Variants in SPHKAP observed in about 807,000 individuals in gnomAD.
SPHKAP encodes SPHK1 interactor, AKAP domain containing, also known as A-kinase anchor protein SPHKAP.
In SPHKAP, 67 loss-of-function variants were observed where a neutral mutation model predicts 137.5. The ratio of observed to expected loss-of-function variants is 0.49; its 90% CI spans 0.40 to 0.60. The LOEUF is 0.60. Ranked by LOEUF, SPHKAP falls within the 20% of genes least tolerant of loss-of-function variation. The probability of loss-of-function intolerance (pLI) is 0.00; values close to 1 mark genes in which losing one functional copy is unlikely to be tolerated. For missense variants in SPHKAP, 2,097 were observed against 2,069.3 expected (o/e 1.01, Z -0.26); for synonymous variants, 813 against 785.3 (o/e 1.04, Z -0.59).
chr2:228,057,096 T>C (rs1696474282), intron 3 of SPHKAP, among the ~76,000 whole-genome samples: 1 of 152,188 alleles, frequency 6.6e-6, no homozygotes, highest in Non-Finnish European at 1.5e-5. Flanking sequence ...CTCACTTCTT[T>C]CTTTAAAGTT....
intron 7 of SPHKAP, among the ~76,000 whole-genome samples, chr2:228,004,782 A>G (rs1694061625): frequency 6.6e-6 from 1 of 152,130 alleles, no homozygotes; most frequent in South Asian, 2.1e-4. Flanking sequence ...GTTTCAAAGA[A>G]CATCTTTATT....
At chr2:228,086,323 C>T (rs985962197) in intron 3 of SPHKAP, among the ~76,000 whole-genome samples, 9 of 150,968 alleles carry the variant, frequency 6.0e-5, no homozygotes, top group Non-Finnish European at 1.3e-4. Flanking sequence ...CCTTCTTTCC[C>T]CTGCCTCCCC....
rs371925107 is a variant in SPHKAP at position 228,031,375 on chromosome 2, G to A, written c.247-3832C>T. 2.2e-4 allele frequency among the ~76,000 whole-genome samples: 34 copies of A among 152,282 alleles called. 4 individuals are homozygous for A. The East Asian group carries it at 2.3e-3, about 10-fold the overall frequency. On this transcript the variant is annotated intron_variant, in intron 3 of 11. Transcript: ENST00000392056. ...GGCAAACAAAAATGCCAGGAAGCTC[G>A]ATCTGGGTGGAGCCCACCACAGCTC...
intron 7 of SPHKAP, among the ~76,000 whole-genome samples, chr2:228,001,406 TAA>T (rs1305028107): frequency 7.1e-6 from 1 of 141,340 alleles, no homozygotes; most frequent in African/African-American, 2.6e-5. Context: ...TATATATACA[TAA>T]ATATATATAA....
intron 7 of SPHKAP, among the ~76,000 whole-genome samples, chr2:228,001,262 C>CACAT (rs762091576): frequency 4.5e-4 from 64 of 142,178 alleles, no homozygotes; most frequent in Non-Finnish European, 7.3e-4. Flanking sequence ...CACACACACA[C>CACAT]ATATATAAAT....
At chr2:228,124,604 A>G (rs760936850) in intron 2 of SPHKAP, among the ~76,000 whole-genome samples, 3 of 150,392 alleles carry the variant, frequency 2.0e-5, no homozygotes, top group African/African-American at 4.9e-5. Flanking sequence ...GAGGGGGGAG[A>G]GATAGCATTA....
At chr2:228,089,392 T>A (rs548564245) in intron 3 of SPHKAP, among the ~76,000 whole-genome samples, 22 of 152,328 alleles carry the variant, frequency 1.4e-4, no homozygotes, top group East Asian at 1.9e-4. Context: ...TACAGTTAGA[T>A]GCAGGGGCAA....
intron 6 of SPHKAP, 59 bp from the exon 7 acceptor site, chr2:228,020,215 T>A (rs1694786441): frequency 5.9e-6 from 9 of 1,517,888 alleles, no homozygotes; most frequent in South Asian, 2.7e-5. Flanking sequence ...ACCATAAGTC[T>A]TAAGTAATAA....
At chr2:228,144,025 C>T (rs1699688799) in intron 1 of SPHKAP, among the ~76,000 whole-genome samples, 1 of 152,150 alleles carries the variant, frequency 6.6e-6, no homozygotes, top group African/African-American at 2.4e-5. Context: ...TGTCTTAGGG[C>T]CTTCCCTAAC....
chr2:228,140,240 C>T (rs1699561315), intron 1 of SPHKAP, among the ~76,000 whole-genome samples: 1 of 149,604 alleles, frequency 6.7e-6, no homozygotes, highest in Non-Finnish European at 1.5e-5. Flanking sequence ...AGCTACTGCA[C>T]CCGGCCTAGA....
intron 8 of SPHKAP, chr2:227,994,018 A>G (rs1006676306): frequency 1.0e-6 from 1 of 984,452 alleles, no homozygotes; most frequent in Non-Finnish European, 1.2e-6. Flanking sequence ...AGATGAAGGA[A>G]CTTCTGAAAA....
intron 3 of SPHKAP, among the ~76,000 whole-genome samples, chr2:228,076,296 G>A (rs1485517687): frequency 6.6e-6 from 1 of 152,190 alleles, no homozygotes; most frequent in Non-Finnish European, 1.5e-5. Flanking sequence ...GTAGAGCGAA[G>A]TGCTGCTGAA....
At chr2:228,007,246 T>C (rs184446118) in intron 7 of SPHKAP, among the ~76,000 whole-genome samples, 2 of 152,334 alleles carry the variant, frequency 1.3e-5, no homozygotes, top group Admixed American at 6.5e-5. Context: ...TAATTTGATA[T>C]ATGTATATAC....
chr2:227,997,548 T>C, intron 7 of SPHKAP, among the ~76,000 whole-genome samples: 1 of 152,332 alleles, frequency 6.6e-6, no homozygotes, highest in East Asian at 1.9e-4. Flanking sequence ...TAATAAATTA[T>C]ATAATTCATT....
At chr2:228,083,826 A>T (rs1697448735) in intron 3 of SPHKAP, among the ~76,000 whole-genome samples, 2 of 152,104 alleles carry the variant, frequency 1.3e-5, no homozygotes, top group Non-Finnish European at 2.9e-5. Flanking sequence ...GCAAACTAAC[A>T]CAGGAACAGA....
intron 3 of SPHKAP, among the ~76,000 whole-genome samples, chr2:228,084,671 A>G (rs1407185035): frequency 2.0e-5 from 3 of 152,172 alleles, no homozygotes; most frequent in Non-Finnish European, 2.9e-5. Context: ...AACCCAAGTG[A>G]ACTTTCCCTA....
chr2:227,992,375 G>A (rs1693445998), intron 9 of SPHKAP, among the ~76,000 whole-genome samples: 1 of 152,142 alleles, frequency 6.6e-6, no homozygotes, highest in Admixed American at 6.5e-5. Flanking sequence ...TGACATAGGG[G>A]GTATGACAAA....
chr2:228,115,774 A>G (rs1312238762), intron 2 of SPHKAP, among the ~76,000 whole-genome samples: 2 of 152,064 alleles, frequency 1.3e-5, no homozygotes, highest in Non-Finnish European at 2.9e-5. Context: ...GTGATAGGGA[A>G]TAAAAGGGAT....
intron 3 of SPHKAP, among the ~76,000 whole-genome samples, chr2:228,058,614 C>T (rs1431124473): frequency 1.3e-5 from 2 of 152,154 alleles, no homozygotes; most frequent in Non-Finnish European, 1.5e-5. Context: ...TGCATTAAGA[C>T]GTTAACCAAT....
Sources: allele counts gnomAD v4.1 joint callset (sites outside exome capture counted in the v4.1 genomes callset), GRCh38; gene constraint gnomAD v4.1.1; transcripts MANE v1.5; gene names NCBI Gene and HGNC (gene_info 2026-07-23, HGNC 2026-07-21).